The following PHF21A variants were observed in gnomAD, a reference collection of about 807,000 sequenced individuals.
PHF21A encodes the protein PHD finger protein 21A.
PHF21A carries 11 observed loss-of-function variants against 82.5 expected under a neutral mutation model. The observed-to-expected ratio is 0.13, with a 90% confidence interval of 0.08 to 0.22. The LOEUF (loss-of-function observed/expected upper bound fraction) is 0.22, where lower values mean the gene tolerates loss of function less well. PHF21A is among the 10% of genes least tolerant of loss of function. PHF21A has a pLI of 1.00. For missense variants in PHF21A, 579 were observed against 837.8 expected (o/e 0.69, Z 3.81); for synonymous variants, 297 against 302.8 (o/e 0.98, Z 0.20).
In PHF21A at chr11:45,929,390, A is replaced by AT. The variant is rs2087461156; in HGVS notation, c.*4577dup. ...AATACAAATTGATCAGCTGCTCTGT[A>AT]TCCCCCCCCACCCCCTCAAAACAAA... On this transcript the variant is annotated 3_prime_UTR_variant, in exon 19 of 19. Transcript: ENST00000676320. The AT allele has an allele frequency of 6.6e-6, 1 of 152,042 alleles. No homozygotes were observed. The highest frequency in any genetic ancestry group is 2.5e-5 in the African/African-American group (1 of 40,176). 9.4% of individuals were successfully genotyped at this position (152,042 alleles called of 1,614,324 possible). A position where few individuals can be genotyped will look rare whatever the true frequency, so the allele number is the denominator to read the frequency against.
intron 1 of PHF21A, chr11:46,120,427 CA>C (rs1243990874): frequency 6.7e-6 from 1 of 148,778 alleles, no homozygotes; most frequent in African/African-American, 2.5e-5. Context: ...CCCGCCGGGA[CA>C]ATGTGACGCC....
rs566279169 is a variant in PHF21A at position 46,110,853 on chromosome 11, G to A, written c.-237+10082C>T. ...CAGGCTGGAGTGCAATGGCACAACCGCAGCTCACTGCAACCTCCGCCTTCT... is the reference window on the plus strand; with the variant it reads ...CAGGCTGGAGTGCAATGGCACAACCACAGCTCACTGCAACCTCCGCCTTCT... On this transcript the variant is annotated intron_variant, in intron 1 of 18. Transcript: ENST00000676320. Among the ~76,000 whole-genome samples, 199 of 149,836 alleles carry A rather than the reference G, an allele frequency of 1.3e-3. 2 individuals are homozygous for A. In the South Asian group the frequency reaches 0.016, roughly 12 times the overall value.
chr11:46,034,376 C>T (rs1408967850), intron 6 of PHF21A, among the ~76,000 whole-genome samples: 2 of 152,126 alleles, frequency 1.3e-5, no homozygotes, highest in African/African-American at 4.8e-5. Flanking sequence ...TTTGCTTTTA[C>T]TGCCTTTGCC....
At chr11:46,063,191 T>C (rs1272924314) in intron 6 of PHF21A, among the ~76,000 whole-genome samples, 2 of 152,288 alleles carry the variant, frequency 1.3e-5, no homozygotes, top group Admixed American at 6.5e-5. Flanking sequence ...CCGGGGGGGC[T>C]GGCATGTTTA....
chr11:45,948,509 A>C (rs1472584553), intron 14 of PHF21A, among the ~76,000 whole-genome samples: 1 of 152,198 alleles, frequency 6.6e-6, no homozygotes, highest in Non-Finnish European at 1.5e-5. Flanking sequence ...GACAACCAAG[A>C]CGCTATTAGG....
chr11:46,009,141 A>C lies in PHF21A; in HGVS notation c.154-29175T>G, dbSNP rs368970258. 3.6e-4 allele frequency among the ~76,000 whole-genome samples: 55 copies of C among 151,646 alleles called. 3 individuals carry two copies. The East Asian group carries it at 7.0e-3, about 19-fold the overall frequency. On this transcript the variant is annotated intron_variant, in intron 6 of 18. Coordinates refer to ENST00000676320, the MANE Select transcript of PHF21A (RefSeq NM_001352027.3). ...AGGCGTGCATCACCATGCCCAGCTA[A>C]TTTTCTGTATTTAGTAGAGACAGGG...
intron 1 of PHF21A, among the ~76,000 whole-genome samples, chr11:46,114,645 C>G (rs943182954): frequency 6.6e-6 from 1 of 152,096 alleles, no homozygotes; most frequent in Non-Finnish European, 1.5e-5. Flanking sequence ...ACTGTCATTA[C>G]CCCAAAGTTT....
intron 5 of PHF21A, among the ~76,000 whole-genome samples, chr11:46,078,507 T>C (rs917095622): frequency 1.3e-5 from 2 of 152,116 alleles, no homozygotes; most frequent in East Asian, 1.9e-4. Flanking sequence ...TAGGAAAACA[T>C]CTCTTCAGAA....
chr11:45,970,756 C>G (rs1313343086), intron 8 of PHF21A: 1 of 210,186 alleles, frequency 4.8e-6, no homozygotes. Flanking sequence ...TAATACAGCA[C>G]AAGAGAGTTT....
intron 6 of PHF21A, among the ~76,000 whole-genome samples, chr11:45,994,755 C>T (rs2094843518): frequency 6.6e-6 from 1 of 152,176 alleles, no homozygotes; most frequent in Non-Finnish European, 1.5e-5. Context: ...GCTCTGCAAC[C>T]CAGCTCGCTT....
intron 10 of PHF21A, among the ~76,000 whole-genome samples, chr11:45,955,132 G>C (rs1360165453): frequency 2.0e-5 from 3 of 152,316 alleles, no homozygotes; most frequent in South Asian, 4.1e-4. Context: ...CGCTATGTAA[G>C]AGTGGGAATT....
intron 6 of PHF21A, among the ~76,000 whole-genome samples, chr11:46,034,709 C>T (rs2095953471): frequency 6.6e-6 from 1 of 152,040 alleles, no homozygotes; most frequent in Non-Finnish European, 1.5e-5. Context: ...TTTTCACGTT[C>T]ATCCTTCCCC....
intron 6 of PHF21A, 70 bp from the exon 7 acceptor site, chr11:45,980,036 T>G (rs1653705022): frequency 6.3e-7 from 1 of 1,599,486 alleles, no homozygotes; most frequent in Admixed American, 1.7e-5. Context: ...AGAAATATGC[T>G]CTGACATCTT....
chr11:45,947,814 A>T (rs746806460), intron 14 of PHF21A, among the ~76,000 whole-genome samples: 16 of 152,228 alleles, frequency 1.1e-4, no homozygotes, highest in Non-Finnish European at 2.1e-4. Flanking sequence ...AACTTAGAGT[A>T]CTGGTTACTG....
chr11:46,105,146 ACAGT>A (rs2097139422), intron 1 of PHF21A, among the ~76,000 whole-genome samples: 1 of 152,204 alleles, frequency 6.6e-6, no homozygotes. Context: ...TCATTTGGCC[ACAGT>A]CAGAGCTAAT....
At chr11:45,996,580 A>C (rs1438434432) in intron 6 of PHF21A, among the ~76,000 whole-genome samples, 1 of 152,224 alleles carries the variant, frequency 6.6e-6, no homozygotes, top group Non-Finnish European at 1.5e-5. Context: ...AGTGCCAGGA[A>C]TGCTACTCTC....
chr11:46,076,288 G>A (rs1368003164), intron 6 of PHF21A, among the ~76,000 whole-genome samples: 2 of 152,162 alleles, frequency 1.3e-5, no homozygotes, highest in African/African-American at 4.8e-5. Context: ...ATCTAATAGA[G>A]ATTAACATAA....
intron 10 of PHF21A, among the ~76,000 whole-genome samples, chr11:45,957,944 T>C (rs901720496): frequency 1.3e-5 from 2 of 151,800 alleles, no homozygotes; most frequent in South Asian, 2.1e-4. Flanking sequence ...CTGAGGACAT[T>C]ACATCTCACA....
At chr11:46,000,924 AAAAT>A (rs534848999) in intron 6 of PHF21A, among the ~76,000 whole-genome samples, 19 of 151,778 alleles carry the variant, frequency 1.3e-4, no homozygotes, top group Middle Eastern at 3.4e-3. Context: ...CCGTCTCAAA[AAAAT>A]AAATAAATAA....
Sources: gnomAD v4.1 joint callset for allele counts (sites outside exome capture counted in the v4.1 genomes callset) on GRCh38, gnomAD v4.1.1 for gene constraint, MANE v1.5 for transcripts, NCBI Gene and HGNC (gene_info 2026-07-23, HGNC 2026-07-21) for gene names.